The following ARMC8 variants were observed in gnomAD, a reference collection of about 807,000 sequenced individuals.
The protein encoded by ARMC8 is armadillo repeat-containing protein 8.
In ARMC8, 20 loss-of-function variants were observed where a neutral mutation model predicts 99.3. The observed-to-expected ratio is 0.20, with a 90% CI of 0.14 to 0.29. The LOEUF is 0.29. ARMC8 is among the 10% of genes least tolerant of loss of function. ARMC8 has a pLI of 1.00. For synonymous variants in ARMC8, 263 were observed against 278.3 expected (o/e 0.95, Z 0.55); for missense variants, 569 against 809.5 (o/e 0.70, Z 3.60).
At chr3:138,230,529 T>C (rs561434467) in intron 6 of ARMC8, among the ~76,000 whole-genome samples, 1 of 152,204 alleles carries the variant, frequency 6.6e-6, no homozygotes, top group East Asian at 1.9e-4. Context: ...GGCGTGTGCC[T>C]GTAGTCCCAG....
At chr3:138,189,726 A>G (rs1180053476) in intron 1 of ARMC8, among the ~76,000 whole-genome samples, 1 of 152,200 alleles carries the variant, frequency 6.6e-6, no homozygotes, top group Non-Finnish European at 1.5e-5. Flanking sequence ...CTCCTTGGGA[A>G]ATCTCATTGA....
At chr3:138,259,668 T>C (rs2047577981) in intron 12 of ARMC8, among the ~76,000 whole-genome samples, 1 of 152,082 alleles carries the variant, frequency 6.6e-6, no homozygotes. Flanking sequence ...CTAAGAAGGG[T>C]CAACTTGTGC....
At chr3:138,295,474 T>G (rs2051398008) in intron 21 of ARMC8, among the ~76,000 whole-genome samples, 2 of 152,236 alleles carry the variant, frequency 1.3e-5, no homozygotes, top group Admixed American at 1.3e-4. Flanking sequence ...CTCCCTAGTG[T>G]TGTGCCTCAC....
At chr3:138,225,906 C>T (rs994785758) in intron 5 of ARMC8, among the ~76,000 whole-genome samples, 1 of 152,210 alleles carries the variant, frequency 6.6e-6, no homozygotes, top group East Asian at 1.9e-4. Context: ...ACTCCTCTGG[C>T]ACTTAATGAT....
chr3:138,198,489 AT>A (rs2043862943), intron 1 of ARMC8, among the ~76,000 whole-genome samples: 1 of 118,244 alleles, frequency 8.5e-6, no homozygotes, highest in Admixed American at 9.7e-5. Flanking sequence ...TATATTGTAT[AT>A]TCTTTATTAT....
chr3:138,270,162 T>G, intron 16 of ARMC8, 30 bp downstream of exon 16: 1 of 1,445,214 alleles, frequency 6.9e-7, no homozygotes, highest in South Asian at 1.2e-5. Context: ...ATATCATAAC[T>G]TACAAAAGGA....
chr3:138,238,735 A>AT (rs751901989), intron 9 of ARMC8: 20 of 152,180 alleles, frequency 1.3e-4, no homozygotes, highest in Non-Finnish European at 2.1e-4. Context: ...AAGTAAAATG[A>AT]TTTTACCTGT....
At chr3:138,245,453 A>G in intron 12 of ARMC8, 2 of 1,357,658 alleles carry the variant, frequency 1.5e-6, no homozygotes, top group South Asian at 4.0e-5. Context: ...TATGTTGCAC[A>G]TTTTTGCATG....
intron 9 of ARMC8, 67 bp from the exon 10 acceptor site, chr3:138,239,401 G>A (rs1384411306): frequency 2.6e-5 from 31 of 1,192,574 alleles, no homozygotes; most frequent in Non-Finnish European, 3.5e-5. Flanking sequence ...AATCTTAAAG[G>A]CAAATAATTT....
rs1269691354 is a variant in ARMC8 at position 138,235,117 on chromosome 3, A to G, written c.609+3A>G. On this transcript the variant is annotated splice_donor_region_variant and intron_variant, in intron 7 of 21. Transcript: ENST00000469044. ...TACTAACCTCACTGTCCTACAAAGT[A>G]AGATGTTAAAAATTGTGGCCAGATT... 1 of 1,608,914 alleles carries G rather than the reference A, an allele frequency of 6.2e-7. No individual in the cohort carries two copies. Among genetic ancestry groups the G allele is most frequent in the South Asian group, 1.1e-5 (1 of 90,618 alleles).
At chr3:138,191,485 A>G (rs1423908549) in intron 1 of ARMC8, among the ~76,000 whole-genome samples, 1 of 152,206 alleles carries the variant, frequency 6.6e-6, no homozygotes, top group Non-Finnish European at 1.5e-5. Context: ...TAGTTACATT[A>G]TAGTATCAAA....
chr3:138,196,929 A>G (rs2043769697), intron 1 of ARMC8, among the ~76,000 whole-genome samples: 1 of 152,174 alleles, frequency 6.6e-6, no homozygotes, highest in Admixed American at 6.5e-5. Flanking sequence ...TGTAGCAATA[A>G]GGTATTAAAA....
intron 19 of ARMC8, among the ~76,000 whole-genome samples, chr3:138,287,196 T>C (rs1032158278): frequency 4.6e-5 from 7 of 152,226 alleles, no homozygotes; most frequent in African/African-American, 1.4e-4. Context: ...AGGGGCTTCC[T>C]CTCAACACAG....
At chr3:138,206,760 T>C (rs1262163222) in intron 1 of ARMC8, among the ~76,000 whole-genome samples, 1 of 152,218 alleles carries the variant, frequency 6.6e-6, no homozygotes, top group East Asian at 1.9e-4. Context: ...AGAATTGTCC[T>C]ATACAGATAA....
At chr3:138,218,776 C>T (rs2045228406) in intron 2 of ARMC8, among the ~76,000 whole-genome samples, 1 of 152,136 alleles carries the variant, frequency 6.6e-6, no homozygotes, top group African/African-American at 2.4e-5. Context: ...CAATGCTGAG[C>T]TCAAAAACTA....
intron 12 of ARMC8, among the ~76,000 whole-genome samples, chr3:138,256,720 T>C (rs1036997916): frequency 9.2e-5 from 14 of 152,168 alleles, no homozygotes; most frequent in African/African-American, 3.1e-4. Context: ...TTTTTTTCCT[T>C]CTTGTTCAGT....
At chr3:138,284,986 A>G (rs2050268217) in intron 19 of ARMC8, among the ~76,000 whole-genome samples, 1 of 152,218 alleles carries the variant, frequency 6.6e-6, no homozygotes, top group Admixed American at 6.5e-5. Flanking sequence ...CATTGCCAAA[A>G]TGTGGGTATC....
chr3:138,269,605 C>T (rs1044690203), intron 15 of ARMC8, among the ~76,000 whole-genome samples: 1 of 152,100 alleles, frequency 6.6e-6, no homozygotes, highest in Non-Finnish European at 1.5e-5. Flanking sequence ...CTTTCCTTTA[C>T]CAACCATATT....
chr3:138,190,529 TCCAC>T (rs1315624222), intron 1 of ARMC8, among the ~76,000 whole-genome samples: 3 of 152,090 alleles, frequency 2.0e-5, no homozygotes, highest in African/African-American at 7.2e-5. Context: ...CCTCAAGTGA[TCCAC>T]CCACCTTGGC....
Sources: allele counts gnomAD v4.1 joint callset (sites outside exome capture counted in the v4.1 genomes callset), GRCh38; gene constraint gnomAD v4.1.1; transcripts MANE v1.5; gene names NCBI Gene and HGNC (gene_info 2026-07-23, HGNC 2026-07-21).